The following CAAP1 variants were observed in gnomAD, a reference collection of about 807,000 sequenced individuals.
CAAP1 encodes caspase activity and apoptosis inhibitor 1, also known as conserved anti-apoptotic protein.
Under a neutral mutation model 34.0 loss-of-function variants are expected in CAAP1, and 20 were observed. The observed-to-expected ratio is 0.59, with a 90% confidence interval of 0.41 to 0.86. The LOEUF (loss-of-function observed/expected upper bound fraction) is 0.86, where lower values mean the gene tolerates loss of function less well. Ranked by LOEUF, CAAP1 falls within the 40% of genes least tolerant of loss-of-function variation. The pLI, the probability that CAAP1 is intolerant of heterozygous loss-of-function variation, is 0.00. For missense variants in CAAP1, 538 were observed against 450.5 expected, an observed-to-expected ratio of 1.19 and a Z score of -1.76; for synonymous variants, 213 against 166.7, an observed-to-expected ratio of 1.28 and a Z score of -2.14.
At chr9:26,850,213 A>G (rs1444855875) in intron 5 of CAAP1, among the ~76,000 whole-genome samples, 1 of 152,208 alleles carries the variant, frequency 6.6e-6, no homozygotes, top group African/African-American at 2.4e-5. Flanking sequence ...ATTACCTGTT[A>G]TATTTCTTGC....
At chr9:26,861,350 T>A (rs554144076) in intron 4 of CAAP1, among the ~76,000 whole-genome samples, 1 of 152,266 alleles carries the variant, frequency 6.6e-6, no homozygotes, top group African/African-American at 2.4e-5. Context: ...TTAAGCAGTA[T>A]ACTTCTTTGT....
Position 26,882,317 on chromosome 9 carries a change from G to A in CAAP1, c.665+2493C>T, listed in dbSNP as rs538511979. Among the ~76,000 whole-genome samples, 154 of 152,296 alleles carry A rather than the reference G, an allele frequency of 1.0e-3. 1 individual carries two copies. The highest frequency in any genetic ancestry group is 2.7e-3 in the Admixed American group (42 of 15,302). On this transcript the variant is annotated intron_variant, in intron 4 of 5. Transcript: ENST00000333916. Reference sequence around the variant, plus strand: ...CATCACAGGCCTGGAGGCCTAGGAGGGAAAAATGGTTTCATGGGCCAGGCT... The same window carrying A: ...CATCACAGGCCTGGAGGCCTAGGAGAGAAAAATGGTTTCATGGGCCAGGCT...
rs764303954 is a variant in CAAP1, at chr9:26,892,739, A to G, written c.-24T>C. On this transcript the variant is annotated 5_prime_UTR_variant, in exon 1 of 6. Transcript: ENST00000333916. ...ATGATCCCTCTGCTGCAACCATCGG[A>G]GGAAAGTCCGCTGTCTCTGGTGCGA... The G allele has an allele frequency of 7.7e-6, 12 of 1,557,404 alleles. No individual in the cohort carries two copies. The Admixed American group carries it at 2.0e-4, about 26-fold the overall frequency.
chr9:26,870,714 T>G (rs1037108176), intron 4 of CAAP1, among the ~76,000 whole-genome samples: 4 of 151,656 alleles, frequency 2.6e-5, no homozygotes, highest in Non-Finnish European at 5.9e-5. Flanking sequence ...CCTCCCCGGT[T>G]CAGGTGATCC....
At chr9:26,888,333 G>A (rs1166588401) in intron 1 of CAAP1, among the ~76,000 whole-genome samples, 1 of 152,190 alleles carries the variant, frequency 6.6e-6, no homozygotes, top group Non-Finnish European at 1.5e-5. Flanking sequence ...TTACTCGACT[G>A]TAACCTATTC....
In CAAP1 at chr9:26,842,593, T is replaced by C; in HGVS notation, c.794A>G (p.Asp265Gly). Residue 265 changes from aspartate (D) to glycine (G), a missense_variant, in exon 6 of 6, where the codon GAC becomes GGC. By Grantham distance (94) the Asp-to-Gly change is moderately conservative. This residue lies in a region of CAAP1 where 514 missense variants were observed against 408.4 expected (regional missense o/e 1.26). Coordinates refer to ENST00000333916, the MANE Select transcript of CAAP1 (RefSeq NM_024828.4). ...TTCTTCGTTGCATGGGCCTTCTATG[T>C]CGCTGTCATAAGCATCTGCATTTAT... ...LSINADAYDSDIEGPCNEEAA... is the reference protein window; with the variant it reads ...LSINADAYDSGIEGPCNEEAA... 6.2e-7 allele frequency: 1 copy of C among 1,614,192 alleles called. No individual in the cohort carries two copies. The highest frequency in any genetic ancestry group is 8.5e-7 in the Non-Finnish European group (1 of 1,180,028).
rs1373641722 is a variant in CAAP1, at chr9:26,892,528, C to T, written c.188G>A (p.Ser63Asn). 1.3e-6 allele frequency: 2 copies of T among 1,574,596 alleles called. No homozygotes were observed. The highest frequency in any genetic ancestry group is 2.7e-5 in the African/African-American group (2 of 74,198). The change falls in exon 1 of 6, where the codon AGT becomes AAT. Residue 63 changes from serine to asparagine, a missense_variant. Around this residue, in one of 3 missense-constraint regions of CAAP1, gnomAD observed 514 missense variants for 408.4 expected, o/e 1.26. Coordinates refer to ENST00000333916, the MANE Select transcript of CAAP1 (RefSeq NM_024828.4). ...GCCGCCGCTCCCACCGCCGGTGACA[C>T]TTCCACTAAAATTGGCGTTCCCACA... ...SCCGNANFSG[S>N]VTGGGSGGSC...
intron 5 of CAAP1, among the ~76,000 whole-genome samples, chr9:26,852,337 C>G (rs1022967518): frequency 6.6e-6 from 1 of 152,002 alleles, no homozygotes; most frequent in Non-Finnish European, 1.5e-5. Flanking sequence ...CACCTATAAT[C>G]CCAACTACTC....
At chr9:26,889,388 A>G (rs986167931) in intron 1 of CAAP1, among the ~76,000 whole-genome samples, 1 of 152,110 alleles carries the variant, frequency 6.6e-6, no homozygotes, top group Admixed American at 6.5e-5. Flanking sequence ...ATTGCACTCC[A>G]GTCTGGGCAA....
chr9:26,872,105 T>TCA (rs1823291804), intron 4 of CAAP1, among the ~76,000 whole-genome samples: 1 of 152,134 alleles, frequency 6.6e-6, no homozygotes, highest in Non-Finnish European at 1.5e-5. Flanking sequence ...AAAGAGTGGT[T>TCA]ATACAGGTAA....
intron 4 of CAAP1, among the ~76,000 whole-genome samples, chr9:26,869,434 T>C (rs980287831): frequency 6.6e-5 from 10 of 152,190 alleles, no homozygotes; most frequent in African/African-American, 2.4e-4. Flanking sequence ...TGGAATAGAG[T>C]TCCATATCAT....
chr9:26,884,171 A>T (rs1044186172), intron 4 of CAAP1, among the ~76,000 whole-genome samples: 2 of 152,236 alleles, frequency 1.3e-5, no homozygotes, highest in Non-Finnish European at 2.9e-5. Context: ...AAACTACCAA[A>T]ATAGTTAATT....
intron 4 of CAAP1, among the ~76,000 whole-genome samples, chr9:26,872,892 A>G (rs1823315664): frequency 6.6e-6 from 1 of 152,166 alleles, no homozygotes; most frequent in Non-Finnish European, 1.5e-5. Flanking sequence ...AAAATTTGGT[A>G]ACTAATTTAG....
intron 5 of CAAP1, among the ~76,000 whole-genome samples, chr9:26,845,914 A>G (rs1184500339): frequency 6.6e-6 from 1 of 151,896 alleles, no homozygotes; most frequent in Non-Finnish European, 1.5e-5. Context: ...TTTTTTGAGC[A>G]GTTGTTTATT....
rs771777284 is a variant in CAAP1 at position 26,892,438 on chromosome 9, G to A, written c.278C>T (p.Ser93Phe). 3 of 1,600,950 alleles carry A rather than the reference G, an allele frequency of 1.9e-6. No individual in the cohort carries two copies. The highest frequency in any genetic ancestry group is 2.6e-6 in the Non-Finnish European group (3 of 1,175,612). ...ERRKRRSTDSSSVSGSLQQET... is the reference protein window; with the variant it reads ...ERRKRRSTDSFSVSGSLQQET... Reference sequence around the variant, plus strand: ...CTGCTGCAAGGAGCCCGAGACGCTGGAAGAGTCGGTACTCCTCCGCTTCCG... The same window carrying A: ...CTGCTGCAAGGAGCCCGAGACGCTGAAAGAGTCGGTACTCCTCCGCTTCCG... Residue 93 changes from serine to phenylalanine, a missense_variant, in exon 1 of 6, where the codon TCC (serine) becomes TTC (phenylalanine). By Grantham distance (155) the Ser-to-Phe change is radical. Around this residue, in one of 3 missense-constraint regions of CAAP1, gnomAD observed 514 missense variants for 408.4 expected, o/e 1.26. Transcript: ENST00000333916.
At chr9:26,887,953 C>A (rs1823792694) in intron 1 of CAAP1, among the ~76,000 whole-genome samples, 1 of 152,120 alleles carries the variant, frequency 6.6e-6, no homozygotes, top group African/African-American at 2.4e-5. Flanking sequence ...CAGGAGCTAT[C>A]ATCATTTTTA....
rs143703742 is a variant in CAAP1 at position 26,874,100 on chromosome 9, G to A, written c.665+10710C>T. On this transcript the variant is annotated intron_variant, in intron 4 of 5. Transcript: ENST00000333916. ...CAGGCACCTGTGGTCCCAGCTGCTCGGGAGGCTGAGGCAGGAGAATGGCGT... is the reference window on the plus strand; with the variant it reads ...CAGGCACCTGTGGTCCCAGCTGCTCAGGAGGCTGAGGCAGGAGAATGGCGT... Among the ~76,000 whole-genome samples the A allele has an allele frequency of 9.7e-3, 1,462 of 150,914 alleles. 18 individuals are homozygous for A. The highest frequency in any genetic ancestry group is 0.033 in the African/African-American group (1,371 of 41,070).
intron 5 of CAAP1, among the ~76,000 whole-genome samples, chr9:26,856,425 G>C (rs188274128): frequency 6.6e-6 from 1 of 152,164 alleles, no homozygotes; most frequent in Non-Finnish European, 1.5e-5. Context: ...GCAAAAAAGA[G>C]TGTATATTTC....
intron 5 of CAAP1, among the ~76,000 whole-genome samples, chr9:26,848,913 T>G (rs1215300961): frequency 1.3e-5 from 2 of 152,224 alleles, no homozygotes; most frequent in Non-Finnish European, 2.9e-5. Context: ...AAATTTTTTT[T>G]GTTTTGTTCT....
Sources: gnomAD v4.1 joint callset for allele counts (sites outside exome capture counted in the v4.1 genomes callset) on GRCh38, gnomAD v4.1.1 for gene constraint, gnomAD v4.1.1 regional missense constraint, MANE v1.5 for transcripts, NCBI Gene and HGNC (gene_info 2026-07-23, HGNC 2026-07-21) for gene names.